TAPBPL: variants seen among roughly 807,000 people sequenced by gnomAD.
TAPBPL encodes the protein TAP binding protein like.
TAPBPL carries 32 observed loss-of-function variants against 44.8 expected under a neutral mutation model. The observed-to-expected ratio is 0.71, with a 90% CI of 0.54 to 0.96. The LOEUF is 0.96. Among genes scored for constraint, TAPBPL ranks in the 40% least tolerant of loss-of-function variants. TAPBPL has a pLI of 0.00. For missense variants in TAPBPL, 520 were observed against 586.6 expected (o/e 0.89, Z 1.17); for synonymous variants, 230 against 240.7 (o/e 0.96, Z 0.41).
chr12:6,470,631 C>T (rs374381650), downstream of TAPBPL: 37 of 1,514,970 alleles, frequency 2.4e-5, no homozygotes, highest in Admixed American at 7.1e-5. Flanking sequence ...CTGCCAAGCT[C>T]CGCCTCGCGC....
rs1949602338 is a variant in TAPBPL at position 6,453,048 on chromosome 12, C to T, written c.65-19C>T. ...AGCTTTCTGGGGAAGGCGGTGCTCA[C>T]CCCAGCCTTTGTCTGCAGAGCCCCA... On this transcript the variant is annotated intron_variant, in intron 1 of 6. Coordinates refer to ENST00000266556, the MANE Select transcript of TAPBPL (RefSeq NM_018009.5). This position sits in a 1 kb window ranked among gnomAD's most constrained non-coding sequence, Gnocchi z 4.8. 1 of 1,557,618 alleles carries T rather than the reference C, an allele frequency of 6.4e-7. No homozygotes were observed. Among genetic ancestry groups the T allele is most frequent in the Non-Finnish European group, 8.7e-7 (1 of 1,150,744 alleles).
At chr12:6,465,925 C>G, downstream of TAPBPL, 1 of 1,614,260 alleles carries the variant, frequency 6.2e-7, no homozygotes, top group Non-Finnish European at 8.5e-7. Context: ...AAGGCATCAG[C>G]TCGGTCATCC....
chr12:6,461,308 T>G (rs1949854087), intron 6 of TAPBPL: 1 of 1,080,300 alleles, frequency 9.3e-7, no homozygotes, highest in Non-Finnish European at 1.1e-6. Flanking sequence ...CCTGGGCTCA[T>G]GCACCAAGGC....
At chr12:6,451,898 T>C (rs1441127278), upstream of TAPBPL, 3 of 354,974 alleles carry the variant, frequency 8.5e-6, no homozygotes, top group Non-Finnish European at 1.6e-5. Flanking sequence ...TCAGATCCCC[T>C]TTTCCCACAG....
chr12:6,457,468 T>C lies in TAPBPL; in HGVS notation c.628T>C (p.Leu210=), dbSNP rs781274274. 6.2e-7 allele frequency: 1 copy of C among 1,614,216 alleles called. No individual in the cohort carries two copies. The highest frequency in any genetic ancestry group is 2.2e-5 in the East Asian group (1 of 44,886). Residue 210 remains leucine, a synonymous_variant, in exon 4 of 7, where the codon TTG becomes CTG. Transcript: ENST00000266556. ...LSFLLGSSAS[L]DCGFSMAPGL... is the part of the protein sequence containing the mutation. ...CTTCCTGCTGGGGTCCTCAGCCTCC[T>C]TGGACTGTGGCTTCTCCATGGCACC...
At chr12:6,464,973 G>C (rs1309136209), downstream of TAPBPL, 1 of 1,612,120 alleles carries the variant, frequency 6.2e-7, no homozygotes, top group East Asian at 2.2e-5. Flanking sequence ...ATGAGCCCTT[G>C]GATTTCAGGA....
chr12:6,470,109 C>G (rs1945732382), downstream of TAPBPL, among the ~76,000 whole-genome samples: 1 of 152,202 alleles, frequency 6.6e-6, no homozygotes, highest in African/African-American at 2.4e-5. Context: ...AAGTTACCAA[C>G]TGGCAGTTGC....
In TAPBPL at chr12:6,457,462, G is replaced by C. The variant is rs1047045113; in HGVS notation, c.622G>C (p.Ala208Pro). ...QSLSFLLGSS[A>P]SLDCGFSMAP... ...CCTGAGCTTCCTGCTGGGGTCCTCA[G>C]CCTCCTTGGACTGTGGCTTCTCCAT... The change falls in exon 4 of 7, where the codon GCC becomes CCC. Residue 208 changes from alanine to proline, a missense_variant. By Grantham distance (27) the Ala-to-Pro change is conservative (BLOSUM62 -1). Transcript: ENST00000266556. The C allele has an allele frequency of 6.2e-7, 1 of 1,614,086 alleles. No individual in the cohort carries two copies. Among genetic ancestry groups the C allele is most frequent in the African/African-American group, 1.3e-5 (1 of 74,940 alleles).
chr12:6,452,298 G>T lies in TAPBPL; in HGVS notation c.50G>T (p.Gly17Val). 6.3e-7 allele frequency: 1 copy of T among 1,575,316 alleles called. No homozygotes were observed. Among genetic ancestry groups the T allele is most frequent in the South Asian group, 1.2e-5 (1 of 85,690 alleles). ...CTGCTGCTCTGCCTGGCTCTATCTG[G>T]AGCAGCAGAAACCAGTGAGTCTGGG... Reference protein sequence around the residue: ...WCLLLCLALSGAAETKPHPAE... With the variant: ...WCLLLCLALSVAAETKPHPAE... Residue 17 changes from glycine (G) to valine (V), a missense_variant, in exon 1 of 7, where the codon GGA (glycine) becomes GTA (valine). Transcript: ENST00000266556.
At chr12:6,466,562 A>C, downstream of TAPBPL, 1 of 459,478 alleles carries the variant, frequency 2.2e-6, no homozygotes, top group Non-Finnish European at 3.9e-6. Flanking sequence ...TCCTCACCCC[A>C]AACCACTTAA....
downstream of TAPBPL, chr12:6,470,770 G>T (rs535927331): frequency 1.0e-4 from 59 of 590,580 alleles, no homozygotes; most frequent in East Asian, 1.5e-3. Flanking sequence ...GCCCAGGACG[G>T]TCGCCCAGCG....
rs771053633 is a variant in TAPBPL at position 6,453,397 on chromosome 12, T to C, written c.296-50T>C. On this transcript the variant is annotated intron_variant, in intron 2 of 6. Transcript: ENST00000266556. This position sits in a 1 kb window ranked among gnomAD's most constrained non-coding sequence, Gnocchi z 4.8. ...CACACATACTGCCTCCCGTTGGCCC[T>C]GGTGTTCTCACGCTAATTTGCCCTC... 33 of 1,609,918 alleles carry C rather than the reference T, an allele frequency of 2.0e-5. No individual in the cohort carries two copies. The South Asian group carries it at 3.5e-4, about 17-fold the overall frequency.
chr12:6,469,441 G>A (rs1027698919), downstream of TAPBPL, among the ~76,000 whole-genome samples: 3 of 152,090 alleles, frequency 2.0e-5, no homozygotes, highest in East Asian at 5.8e-4. Context: ...GGAATTCTAC[G>A]GCTTGCCCAA....
rs545214174 is a variant in TAPBPL at position 6,453,412 on chromosome 12, A to C, written c.296-35A>C. On this transcript the variant is annotated intron_variant, in intron 2 of 6. Transcript: ENST00000266556. The surrounding 1 kb of genome is among the most constrained non-coding windows in gnomAD (Gnocchi z 4.8). ...CCGTTGGCCCTGGTGTTCTCACGCT[A>C]ATTTGCCCTCTGTGTGTGCCCTGCT... The C allele has an allele frequency of 4.3e-5, 70 of 1,612,012 alleles. No individual in the cohort carries two copies. The South Asian group carries it at 7.4e-4, about 17-fold the overall frequency.
chr12:6,465,327 G>C (rs922419609), downstream of TAPBPL: 1 of 317,182 alleles, frequency 3.2e-6, no homozygotes, highest in Admixed American at 4.4e-5. Flanking sequence ...ATTTCAATCT[G>C]AGAAAGCTGA....
intron 3 of TAPBPL, among the ~76,000 whole-genome samples, chr12:6,455,989 A>G (rs1183978556): frequency 6.6e-6 from 1 of 152,040 alleles, no homozygotes; most frequent in Non-Finnish European, 1.5e-5. Flanking sequence ...TGAACTCCTG[A>G]CCTCAGGTGA....
At chr12:6,463,351 G>C, downstream of TAPBPL, 1 of 1,134,324 alleles carries the variant, frequency 8.8e-7, no homozygotes, top group Non-Finnish European at 1.1e-6. The surrounding 1 kb of genome is among the most constrained non-coding windows in gnomAD (Gnocchi z 4.0). Context: ...GGGTCTACAT[G>C]ACTTCTCTGC....
At chr12:6,463,719 T>C (rs1269695639), downstream of TAPBPL, 31 of 1,153,096 alleles carry the variant, frequency 2.7e-5, no homozygotes, top group East Asian at 6.7e-5. This position sits in a 1 kb window ranked among gnomAD's most constrained non-coding sequence, Gnocchi z 4.0. Flanking sequence ...CAGAATGCTG[T>C]AGAAAATGTA....
At position 6,457,417 on chromosome 12, in the gene TAPBPL, G is replaced by T. The variant is rs780673708; in HGVS notation, c.577G>T (p.Val193Leu). The part of the protein sequence containing the change: ...GTVRTAVEFQ[V>L]MTQTQSLSFL... ...TTTCCTCTTCACAGTGGAGTTCCAG[G>T]TGATGACACAGACCCAATCCCTGAG... Residue 193 changes from valine (V) to leucine (L), a missense_variant, in exon 4 of 7, where the codon GTG (valine) becomes TTG (leucine). Coordinates refer to ENST00000266556, the MANE Select transcript of TAPBPL (RefSeq NM_018009.5). The T allele has an allele frequency of 6.2e-7, 1 of 1,613,716 alleles. No individual in the cohort carries two copies. Among genetic ancestry groups the T allele is most frequent in the East Asian group, 2.2e-5 (1 of 44,878 alleles).
Sources: allele counts gnomAD v4.1 joint callset (sites outside exome capture counted in the v4.1 genomes callset), GRCh38; gene constraint gnomAD v4.1.1; non-coding constraint Gnocchi (gnomAD v3.1); transcripts MANE v1.5; gene names NCBI Gene and HGNC (gene_info 2026-07-23, HGNC 2026-07-21).